CHL1: variants seen among roughly 807,000 people sequenced by gnomAD.
CHL1 encodes the protein cell adhesion molecule L1 like.
Under a neutral mutation model 141.9 loss-of-function variants are expected in CHL1, and 96 were observed. The observed-to-expected ratio is 0.68, with a 90% CI of 0.57 to 0.80. CHL1 has a LOEUF of 0.80. Among genes scored for constraint, CHL1 ranks in the 30% least tolerant of loss-of-function variants. The pLI is 0.00. For synonymous variants in CHL1, 613 were observed against 502.2 expected (o/e 1.22, Z -2.95); for missense variants, 1,820 against 1,457.2 (o/e 1.25, Z -4.05).
intron 2 of CHL1, among the ~76,000 whole-genome samples, chr3:294,632 A>T (rs1422658397): frequency 7.0e-6 from 1 of 142,992 alleles, no homozygotes; most frequent in Non-Finnish European, 1.6e-5. Context: ...AAACCCTTCT[A>T]AAATATTCCT....
At chr3:231,335 C>G (rs1164752045) in intron 1 of CHL1, among the ~76,000 whole-genome samples, 1 of 152,052 alleles carries the variant, frequency 6.6e-6, no homozygotes, top group Non-Finnish European at 1.5e-5. Flanking sequence ...AACACCACCA[C>G]CCTCATCATT....
chr3:312,437 A>C (rs149485044), intron 2 of CHL1, among the ~76,000 whole-genome samples: 2 of 152,324 alleles, frequency 1.3e-5, no homozygotes, highest in East Asian at 3.9e-4. Context: ...TACTGTGTTT[A>C]TGACACTTGT....
chr3:310,429 G>T (rs1193943604), intron 2 of CHL1, among the ~76,000 whole-genome samples: 2 of 152,258 alleles, frequency 1.3e-5, no homozygotes, highest in East Asian at 3.9e-4. Flanking sequence ...CAAGGTGGGA[G>T]TGAGTGATGA....
At chr3:210,657 C>T (rs914523772) in intron 1 of CHL1, among the ~76,000 whole-genome samples, 12 of 152,198 alleles carry the variant, frequency 7.9e-5, no homozygotes, top group African/African-American at 2.7e-4. Flanking sequence ...TTCTAGCAGA[C>T]AAGGTAGCAA....
chr3:240,582 G>A (rs75362015), intron 1 of CHL1, among the ~76,000 whole-genome samples: 1,767 of 152,234 alleles, frequency 0.012, 33 homozygotes, highest in African/African-American at 0.041. Flanking sequence ...TCATTTTGCT[G>A]AGCAGAAGCT....
chr3:356,017 C>T (rs374037318), intron 11 of CHL1, among the ~76,000 whole-genome samples: 9 of 152,112 alleles, frequency 5.9e-5, no homozygotes, highest in South Asian at 2.1e-4. Flanking sequence ...ATGCTTAGCA[C>T]GGGGACTGCC....
intron 2 of CHL1, among the ~76,000 whole-genome samples, chr3:306,816 C>G (rs916987479): frequency 7.2e-5 from 11 of 152,170 alleles, no homozygotes; most frequent in African/African-American, 2.2e-4. Flanking sequence ...CTGAAAGAAT[C>G]TATTAATGTC....
chr3:362,622 T>A (rs1425513587), intron 13 of CHL1, among the ~76,000 whole-genome samples: 8 of 99,796 alleles, frequency 8.0e-5, no homozygotes, highest in African/African-American at 2.6e-4. Context: ...CAGCTTATCC[T>A]TAAAAAAAAA....
intron 16 of CHL1, among the ~76,000 whole-genome samples, chr3:379,056 A>G (rs1004593893): frequency 1.3e-5 from 2 of 152,048 alleles, no homozygotes; most frequent in African/African-American, 4.8e-5. Flanking sequence ...TCTTTATCAT[A>G]TGTCTACATT....
At chr3:343,692 C>G (rs1702532092) in intron 8 of CHL1, among the ~76,000 whole-genome samples, 1 of 152,116 alleles carries the variant, frequency 6.6e-6, no homozygotes, top group African/African-American at 2.4e-5. Context: ...CCAGTGATAA[C>G]TTAGATACCT....
rs146061926 is a variant in CHL1, at chr3:390,856, G to A, written c.2586+40G>A. The A allele has an allele frequency of 5.1e-4, 764 of 1,499,492 alleles. 1 individual carries two copies. In the African/African-American group the frequency reaches 5.8e-3, roughly 11 times the overall value. 92.9% of individuals were successfully genotyped at this position (1,499,492 alleles called of 1,614,324 possible). A position where few individuals can be genotyped will look rare whatever the true frequency, so the allele number is the denominator to read the frequency against. ...GGTTTTTCCTCTTCTTGTTGAATTG[G>A]TATCTTTCCTGAGAATAAAGAAGAA... On this transcript the variant is annotated intron_variant, in intron 21 of 27. Coordinates refer to ENST00000256509, the MANE Select transcript of CHL1 (RefSeq NM_006614.4).
At position 354,647 on chromosome 3, in the gene CHL1, T is replaced by C; in HGVS notation, c.1041T>C (p.Pro347=). 1 of 1,612,388 alleles carries C rather than the reference T, an allele frequency of 6.2e-7. No homozygotes were observed. The highest frequency in any genetic ancestry group is 8.5e-7 in the Non-Finnish European group (1 of 1,179,232). Residue 347 remains proline, a synonymous_variant, in exon 11 of 28, where the codon CCT becomes CCC. Transcript: ENST00000256509. ...TCTTCACTTTACATCCAGAGCCTCC[T>C]CGCTGGACAAAGAAGCCTCAGAGTG... ...HDFHVIVEEP[P]RWTKKPQSAV...
chr3:205,480 A>G (rs908922534), intron 1 of CHL1, among the ~76,000 whole-genome samples: 1 of 152,188 alleles, frequency 6.6e-6, no homozygotes, highest in African/African-American at 2.4e-5. Flanking sequence ...TTTTAAGGAA[A>G]TCTAGAGTCA....
Position 390,724 on chromosome 3 carries a change from C to T in CHL1, c.2494C>T (p.His832Tyr), listed in dbSNP as rs764628823. Residue 832 changes from histidine (H) to tyrosine (Y), a missense_variant, in exon 21 of 28, where the codon CAT becomes TAT. Physicochemically the swap from His to Tyr is moderately conservative, Grantham distance 83 (BLOSUM62 2). Coordinates refer to ENST00000256509, the MANE Select transcript of CHL1 (RefSeq NM_006614.4). ...AGATCCTGATACAGCTCCAGTGATC[C>T]ATGGGGTGGACGTTATAAACAGTAC... ...EDYPDTAPVI[H>Y]GVDVINSTLV... 6.2e-7 allele frequency: 1 copy of T among 1,601,298 alleles called. No individual in the cohort carries two copies.
rs751295581 is a variant in CHL1, at chr3:361,721, C to G, written c.1329C>G (p.Thr443=). Residue 443 remains threonine (T), a synonymous_variant, in exon 13 of 28, where the codon ACC becomes ACG. Coordinates refer to ENST00000256509, the MANE Select transcript of CHL1 (RefSeq NM_006614.4). ...TAGATGTCCGTCCATTGATACAAAC[C>G]AAAGATGGAGAAAATTACGCTACAG... The part of the protein sequence containing the change: ...DVVDVRPLIQ[T]KDGENYATVV... The G allele has an allele frequency of 6.2e-7, 1 of 1,612,766 alleles. No homozygotes were observed. The highest frequency in any genetic ancestry group is 8.5e-7 in the Non-Finnish European group (1 of 1,178,998).
Position 405,542 on chromosome 3 carries a change from G to T in CHL1, c.3506G>T (p.Arg1169Met). ...AAAGGAAGCCTTCGGTCCCTTAATA[G>T]GGATATGCAGCCTACTGAAAGTGCT... ...PLKGSLRSLN[R>M]DMQPTESADS... Residue 1169 changes from arginine (R) to methionine (M), a missense_variant, in exon 28 of 28, where the codon AGG becomes ATG. Physicochemically the swap from Arg to Met is moderately conservative, Grantham distance 91 (BLOSUM62 -1). Coordinates refer to ENST00000256509, the MANE Select transcript of CHL1 (RefSeq NM_006614.4). 1 of 1,613,406 alleles carries T rather than the reference G, an allele frequency of 6.2e-7. No homozygotes were observed. The highest frequency in any genetic ancestry group is 8.5e-7 in the Non-Finnish European group (1 of 1,179,490).
At chr3:300,988 A>G (rs183911345) in intron 2 of CHL1, among the ~76,000 whole-genome samples, 34 of 152,236 alleles carry the variant, frequency 2.2e-4, no homozygotes, top group Non-Finnish European at 3.4e-4. Context: ...GGGAAGAGAG[A>G]TGAGAGATGT....
chr3:379,657 G>A (rs1054598621), intron 16 of CHL1, among the ~76,000 whole-genome samples: 12 of 152,016 alleles, frequency 7.9e-5, no homozygotes, highest in Admixed American at 4.6e-4. Context: ...TTGCGATTAG[G>A]CTGCCATTTT....
At chr3:248,137 C>T (rs1016580872) in intron 2 of CHL1, 3 of 152,180 alleles carry the variant, frequency 2.0e-5, no homozygotes, top group East Asian at 3.9e-4. Context: ...TTTGGATTAC[C>T]TCCAAATTGC....
Sources: allele counts gnomAD v4.1 joint callset (sites outside exome capture counted in the v4.1 genomes callset), GRCh38; gene constraint gnomAD v4.1.1; transcripts MANE v1.5; gene names NCBI Gene and HGNC (gene_info 2026-07-23, HGNC 2026-07-21).